Variants in FHOD3 observed in about 807,000 individuals in gnomAD.
FHOD3 encodes the protein FH1/FH2 domain-containing protein 3.
In FHOD3, 90 loss-of-function variants were observed where a neutral mutation model predicts 173.0. The observed-to-expected ratio is 0.52, with a 90% CI of 0.44 to 0.62. The LOEUF (loss-of-function observed/expected upper bound fraction) is 0.62, where lower values mean the gene tolerates loss of function less well. Among genes scored for constraint, FHOD3 ranks in the 20% least tolerant of loss-of-function variants. The probability of loss-of-function intolerance (pLI) is 0.00; values close to 1 mark genes in which losing one functional copy is unlikely to be tolerated. For missense variants in FHOD3, 1,945 were observed against 2,034.7 expected (o/e 0.96, Z 0.85); for synonymous variants, 828 against 823.0 (o/e 1.01, Z -0.10).
Position 36,500,219 on chromosome 18 carries a change from G to C in FHOD3, c.338-1713G>C, listed in dbSNP as rs140625602. Among the ~76,000 whole-genome samples, 394 of 152,356 alleles carry C rather than the reference G, an allele frequency of 2.6e-3. 1 individual carries two copies. The highest frequency in any genetic ancestry group is 8.8e-3 in the African/African-American group (367 of 41,574). ...TCATCTAGTGGGAGTTTCCACAGGA[G>C]CCCTCTGTTCTTTGCCGGAAGGCAA... On this transcript the variant is annotated intron_variant, in intron 3 of 28. Coordinates refer to ENST00000590592, the MANE Select transcript of FHOD3 (RefSeq NM_001281740.3).
chr18:36,716,916 G>A (rs1474098905), intron 18 of FHOD3, among the ~76,000 whole-genome samples: 2 of 110,702 alleles, frequency 1.8e-5, no homozygotes, highest in Non-Finnish European at 4.2e-5. Flanking sequence ...ATATGTGTAT[G>A]TGTGTGTGTG....
chr18:36,580,455 A>G (rs1203377993), intron 6 of FHOD3, among the ~76,000 whole-genome samples: 1 of 152,220 alleles, frequency 6.6e-6, no homozygotes, highest in Non-Finnish European at 1.5e-5. Flanking sequence ...TGTTGTTGGA[A>G]AGGAGAATTC....
chr18:36,297,803 C>G lies in FHOD3; in HGVS notation c.-33C>G, dbSNP rs766160821. 157 of 1,491,118 alleles carry G rather than the reference C, an allele frequency of 1.1e-4. No homozygotes were observed. Among genetic ancestry groups the G allele is most frequent in the South Asian group, 4.4e-4 (35 of 78,834 alleles). 92.4% of individuals were successfully genotyped at this position (1,491,118 alleles called of 1,614,324 possible). ...GTCCCGGCCCGCGGCCCCGCTAACC[C>G]CGGGGCCCGCGCCCCCGCGGCAGGG... is the stretch of plus-strand genomic sequence containing the variant. On this transcript the variant is annotated 5_prime_UTR_variant, in exon 1 of 29. Transcript: ENST00000590592.
At position 36,552,365 on chromosome 18, in the gene FHOD3, G is replaced by A. The variant is rs189102590; in HGVS notation, c.512-24086G>A. Among the ~76,000 whole-genome samples, 408 of 152,324 alleles carry A rather than the reference G, an allele frequency of 2.7e-3. 3 individuals carry two copies. The highest frequency in any genetic ancestry group is 9.2e-3 in the African/African-American group (384 of 41,574). ...TGATTTTGTATCCTGAGACTTTGCT[G>A]AAGTTGCTTATGAGCTTAAGGAGAT... On this transcript the variant is annotated intron_variant, in intron 5 of 28. Coordinates refer to ENST00000590592, the MANE Select transcript of FHOD3 (RefSeq NM_001281740.3).
chr18:36,703,013 G>T (rs2039676590), intron 17 of FHOD3, among the ~76,000 whole-genome samples: 1 of 152,176 alleles, frequency 6.6e-6, no homozygotes, highest in Non-Finnish European at 1.5e-5. Flanking sequence ...TGGTCAGAGG[G>T]TTGCTGAATA....
Position 36,625,525 on chromosome 18 carries a change from C to G in FHOD3, c.972C>G (p.His324Gln), listed in dbSNP as rs201237691. ...QLNIYEVALR[H>Q]EDGDETTEPP... ...TGCTTTTCCAGGTGGCGCTCAGGCA[C>G]GAGGATGGCGATGAGACCACGGAGC... Residue 324 changes from histidine (H) to glutamine (Q), a missense_variant, in exon 10 of 29, where the codon CAC (histidine) becomes CAG (glutamine). Transcript: ENST00000590592. The G allele has an allele frequency of 1.3e-5, 18 of 1,439,754 alleles. No individual in the cohort carries two copies. Among genetic ancestry groups the G allele is most frequent in the Non-Finnish European group, 1.6e-5 (17 of 1,082,536 alleles). 89.2% of individuals were successfully genotyped at this position (1,439,754 alleles called of 1,614,324 possible).
At chr18:36,504,093 A>C (rs2146107518) in intron 4 of FHOD3, among the ~76,000 whole-genome samples, 1 of 152,148 alleles carries the variant, frequency 6.6e-6, no homozygotes, top group East Asian at 1.9e-4. Context: ...GCTAATTTTT[A>C]TATTTTTAGT....
At position 36,461,384 on chromosome 18, in the gene FHOD3, G is replaced by A. The variant is rs1206749481; in HGVS notation, c.338-40548G>A. Among the ~76,000 whole-genome samples the A allele has an allele frequency of 2.6e-5, 4 of 151,694 alleles. No individual in the cohort carries two copies. The South Asian group carries it at 6.2e-4, about 24-fold the overall frequency. On this transcript the variant is annotated intron_variant, in intron 3 of 28. Coordinates refer to ENST00000590592, the MANE Select transcript of FHOD3 (RefSeq NM_001281740.3). ...CCCTTTTCTATTAGATTGTTACTGG[G>A]AATAAAGTTTTTTACTATCTGTGAA...
At chr18:36,588,716 T>G (rs1314708628) in intron 6 of FHOD3, among the ~76,000 whole-genome samples, 1 of 152,214 alleles carries the variant, frequency 6.6e-6, no homozygotes, top group Non-Finnish European at 1.5e-5. Context: ...TGAAAGGACT[T>G]CCAGTTTGTT....
intron 25 of FHOD3, 29 bp from the exon 26 acceptor site, chr18:36,759,089 G>C (rs551133391): frequency 2.0e-6 from 3 of 1,529,626 alleles, no homozygotes; most frequent in Non-Finnish European, 2.6e-6. Flanking sequence ...TGTCTTTTCC[G>C]TCCTGTCCTG....
chr18:36,391,112 C>T (rs1298216107), intron 3 of FHOD3, among the ~76,000 whole-genome samples: 7 of 152,186 alleles, frequency 4.6e-5, no homozygotes, highest in Non-Finnish European at 5.9e-5. Flanking sequence ...TGGAGCATCT[C>T]TTCATAAGCA....
At chr18:36,708,362 A>G (rs1286607302) in intron 17 of FHOD3, among the ~76,000 whole-genome samples, 2 of 152,230 alleles carry the variant, frequency 1.3e-5, no homozygotes, top group Non-Finnish European at 2.9e-5. Context: ...GTTTTTCATC[A>G]GCTTGATCCA....
At chr18:36,362,152 A>C (rs76460832) in intron 2 of FHOD3, among the ~76,000 whole-genome samples, 9,156 of 152,234 alleles carry the variant, frequency 0.06, 885 homozygotes, top group African/African-American at 0.2. Context: ...TGAGGGGGCT[A>C]TGTGGGGGTG....
chr18:36,583,250 A>C (rs550758364), intron 6 of FHOD3, among the ~76,000 whole-genome samples: 11 of 152,282 alleles, frequency 7.2e-5, no homozygotes, highest in Admixed American at 5.9e-4. Flanking sequence ...GCCTTCCTGG[A>C]ATCACGATAT....
chr18:36,701,310 T>C (rs1337098918), intron 17 of FHOD3, among the ~76,000 whole-genome samples: 1 of 152,190 alleles, frequency 6.6e-6, no homozygotes, highest in Non-Finnish European at 1.5e-5. Context: ...GAGGAAACTT[T>C]TACAGAGAGT....
At chr18:36,614,977 AG>A (rs1568496839) in intron 9 of FHOD3, among the ~76,000 whole-genome samples, 1 of 150,434 alleles carries the variant, frequency 6.6e-6, no homozygotes, top group African/African-American at 2.5e-5. Flanking sequence ...CAGCCCCCTG[AG>A]TAGCTGGGAC....
chr18:36,438,640 A>G (rs1012224897), intron 3 of FHOD3, among the ~76,000 whole-genome samples: 1 of 152,110 alleles, frequency 6.6e-6, no homozygotes, highest in African/African-American at 2.4e-5. Context: ...AGGCCTGGCC[A>G]TCTCCCTTCC....
At chr18:36,316,412 C>T (rs188558416) in intron 1 of FHOD3, among the ~76,000 whole-genome samples, 2 of 152,258 alleles carry the variant, frequency 1.3e-5, no homozygotes, top group Admixed American at 1.3e-4. Context: ...TGTTCACCAG[C>T]AAAAAGGGCA....
chr18:36,768,639 A>G (rs939194139), intron 27 of FHOD3, among the ~76,000 whole-genome samples: 13 of 152,234 alleles, frequency 8.5e-5, no homozygotes, highest in African/African-American at 1.7e-4. Flanking sequence ...GAGCAGATTT[A>G]TGTACCAGAG....
Sources: allele counts gnomAD v4.1 joint callset (sites outside exome capture counted in the v4.1 genomes callset), GRCh38; gene constraint gnomAD v4.1.1; transcripts MANE v1.5; gene names NCBI Gene and HGNC (gene_info 2026-07-23, HGNC 2026-07-21).